Variants in BABAM2 observed in about 807,000 individuals in gnomAD.
BABAM2 encodes the protein BRISC and BRCA1 A complex member 2, also known as BRISC and BRCA1-A complex member 2.
In BABAM2, 31 loss-of-function variants were observed where a neutral mutation model predicts 54.7. The observed-to-expected ratio is 0.57, with a 90% CI of 0.43 to 0.77. The LOEUF (loss-of-function observed/expected upper bound fraction) is 0.77, where lower values mean the gene tolerates loss of function less well. BABAM2 is among the 30% of genes least tolerant of loss of function. The pLI is 0.00. For synonymous variants in BABAM2, 167 were observed against 162.9 expected (o/e 1.03, Z -0.19); for missense variants, 364 against 455.8 (o/e 0.80, Z 1.83).
chr2:28,254,782 C>CG (rs1683828615), intron 10 of BABAM2, among the ~76,000 whole-genome samples: 1 of 139,824 alleles, frequency 7.2e-6, no homozygotes, highest in Non-Finnish European at 1.5e-5. Flanking sequence ...ACCAGGCCAA[C>CG]GTGCAGTAGA....
At chr2:27,913,070 CT>C (rs2148310218) in intron 2 of BABAM2, among the ~76,000 whole-genome samples, 1 of 152,064 alleles carries the variant, frequency 6.6e-6, no homozygotes, top group South Asian at 2.1e-4. Context: ...TTTTCAAACT[CT>C]TTGATGGAAG....
chr2:28,046,942 G>GT (rs1438712392), intron 6 of BABAM2, among the ~76,000 whole-genome samples: 3 of 151,654 alleles, frequency 2.0e-5, no homozygotes, highest in Non-Finnish European at 2.9e-5. Context: ...CTAATTTTTT[G>GT]TTTTTTGTAG....
At position 28,160,272 on chromosome 2, in the gene BABAM2, C is replaced by T. The variant is rs1384112027; in HGVS notation, c.680+30892C>T. Among the ~76,000 whole-genome samples, 7 of 152,302 alleles carry T rather than the reference C, an allele frequency of 4.6e-5. No homozygotes were observed. The East Asian group carries it at 5.8e-4, about 13-fold the overall frequency. ...CCTGGGATTCCAGGACTAGCCACTG[C>T]GCCTGGCCATGATTGGTTTTTAGTA... On this transcript the variant is annotated intron_variant, in intron 7 of 11. Transcript: ENST00000379624.
intron 2 of BABAM2, among the ~76,000 whole-genome samples, chr2:27,906,090 G>A (rs935045623): frequency 6.6e-6 from 1 of 152,208 alleles, no homozygotes; most frequent in Non-Finnish European, 1.5e-5. Flanking sequence ...TCTGTCTGAG[G>A]ATGAAGGGCA....
At chr2:28,036,254 GA>G (rs1487195903) in intron 5 of BABAM2, among the ~76,000 whole-genome samples, 27 of 152,112 alleles carry the variant, frequency 1.8e-4, no homozygotes, top group Non-Finnish European at 3.8e-4. Flanking sequence ...AAGACAAAAA[GA>G]ATCCTACATT....
intron 10 of BABAM2, among the ~76,000 whole-genome samples, chr2:28,245,281 A>G (rs1682815000): frequency 6.6e-6 from 1 of 152,158 alleles, no homozygotes; most frequent in Middle Eastern, 3.2e-3. Context: ...GTTTCTAATT[A>G]TCTTTCCAGT....
At chr2:28,054,978 G>A (rs1326717475) in intron 6 of BABAM2, among the ~76,000 whole-genome samples, 1 of 152,138 alleles carries the variant, frequency 6.6e-6, no homozygotes, top group Non-Finnish European at 1.5e-5. Flanking sequence ...GTGGAACTAA[G>A]CACTATTCAC....
intron 11 of BABAM2, among the ~76,000 whole-genome samples, chr2:28,315,692 T>A (rs1016997128): frequency 8.6e-5 from 13 of 151,352 alleles, no homozygotes; most frequent in Non-Finnish European, 1.8e-4. Context: ...GGAGTCTCAC[T>A]ATGTTGCCCA....
chr2:28,288,826 T>C (rs567849355), intron 10 of BABAM2, among the ~76,000 whole-genome samples: 1 of 152,296 alleles, frequency 6.6e-6, no homozygotes, highest in African/African-American at 2.4e-5. Flanking sequence ...TGACACCGCG[T>C]GTGTGCCTCT....
At chr2:28,315,416 GTTCTTTTTTCTT>G (rs1558524629) in intron 11 of BABAM2, among the ~76,000 whole-genome samples, 1 of 136,478 alleles carries the variant, frequency 7.3e-6, no homozygotes, top group African/African-American at 2.7e-5. Context: ...TGTGTGTGTG[GTTCTTTTTTCTT>G]TTCTTTTCTT....
intron 7 of BABAM2, among the ~76,000 whole-genome samples, chr2:28,207,272 G>A (rs1376402529): frequency 6.6e-6 from 1 of 151,766 alleles, no homozygotes; most frequent in Non-Finnish European, 1.5e-5. Context: ...GGGAGGCCAA[G>A]GTGGGAGAAT....
chr2:28,294,154 G>A (rs889609455), intron 10 of BABAM2, among the ~76,000 whole-genome samples: 2 of 152,174 alleles, frequency 1.3e-5, no homozygotes, highest in Admixed American at 6.5e-5. Context: ...GCTGAGGCGG[G>A]CAAGTCACAA....
At position 28,280,157 on chromosome 2, in the gene BABAM2, C is replaced by A. The variant is rs183176185; in HGVS notation, c.935-18181C>A. Among the ~76,000 whole-genome samples, 1,091 of 151,956 alleles carry A rather than the reference C, an allele frequency of 7.2e-3. 9 individuals are homozygous for A. The highest frequency in any genetic ancestry group is 0.025 in the African/African-American group (1,034 of 41,436). On this transcript the variant is annotated intron_variant, in intron 10 of 11. Transcript: ENST00000379624. ...CACTGCAGCCTTGACCTCCTGGGCT[C>A]AAGCAGTCCTCCCATCTCAGCCTCT...
intron 7 of BABAM2, among the ~76,000 whole-genome samples, chr2:28,228,594 T>G (rs1448821299): frequency 6.6e-6 from 1 of 152,196 alleles, no homozygotes; most frequent in Non-Finnish European, 1.5e-5. Flanking sequence ...ATAGTTTCAC[T>G]TCTTAAAGAA....
rs151252391 is a variant in BABAM2, at chr2:28,086,330, T to C, written c.570+40531T>C. Among the ~76,000 whole-genome samples, 240 of 152,334 alleles carry C rather than the reference T, an allele frequency of 1.6e-3. 1 individual carries two copies. The highest frequency in any genetic ancestry group is 5.3e-3 in the African/African-American group (222 of 41,590). Reference sequence around the variant, plus strand: ...TATAAATAATTTGTCTTTGAGTTCGTAGAACAGTCTTTTTTTCTTCCTAAT... The same window carrying C: ...TATAAATAATTTGTCTTTGAGTTCGCAGAACAGTCTTTTTTTCTTCCTAAT... On this transcript the variant is annotated intron_variant, in intron 6 of 11. Coordinates refer to ENST00000379624, the MANE Select transcript of BABAM2 (RefSeq NM_199191.3).
Position 27,894,586 on chromosome 2 carries a change from A to T in BABAM2, c.30A>T (p.Ile10=), listed in dbSNP as rs147256639. ...CCCCAGAAGTGGCCTTGAACCGAAT[A>T]TCTCCAATGCTCTCCCCTTTCATAT... The part of the protein sequence containing the change: MSPEVALNR[I]SPMLSPFISS... Residue 10 remains isoleucine (I), a synonymous_variant, in exon 2 of 12, where the codon ATA becomes ATT. Coordinates refer to ENST00000379624, the MANE Select transcript of BABAM2 (RefSeq NM_199191.3). The T allele has an allele frequency of 1.9e-6, 3 of 1,613,906 alleles. No homozygotes were observed. Among genetic ancestry groups the T allele is most frequent in the African/African-American group, 2.7e-5 (2 of 74,900 alleles).
chr2:28,011,692 C>G (rs572879907), intron 4 of BABAM2, among the ~76,000 whole-genome samples: 1 of 152,288 alleles, frequency 6.6e-6, no homozygotes, highest in African/African-American at 2.4e-5. Context: ...AGATGTTTCT[C>G]CAGTTGTAAA....
chr2:28,184,240 C>G (rs906389128), intron 7 of BABAM2, among the ~76,000 whole-genome samples: 17 of 143,946 alleles, frequency 1.2e-4, no homozygotes, highest in Non-Finnish European at 1.7e-4. Flanking sequence ...GTCTCTGTGT[C>G]TCTCTCTCTC....
chr2:28,120,625 A>G (rs985907255), intron 6 of BABAM2, among the ~76,000 whole-genome samples: 10 of 152,256 alleles, frequency 6.6e-5, no homozygotes, highest in Admixed American at 1.3e-4. Flanking sequence ...GCTAGTGACT[A>G]TTGAGTAAAC....
Sources: gnomAD v4.1 joint callset for allele counts (sites outside exome capture counted in the v4.1 genomes callset) on GRCh38, gnomAD v4.1.1 for gene constraint, MANE v1.5 for transcripts, NCBI Gene and HGNC (gene_info 2026-07-23, HGNC 2026-07-21) for gene names.